The following SIPA1L3 variants were observed in gnomAD, a reference collection of about 807,000 sequenced individuals.
The protein encoded by SIPA1L3 is signal-induced proliferation-associated 1-like protein 3.
In SIPA1L3, 59 loss-of-function variants were observed where a neutral mutation model predicts 150.1. The observed-to-expected ratio is 0.39, with a 90% CI of 0.32 to 0.49. The LOEUF (loss-of-function observed/expected upper bound fraction) is 0.49, where lower values mean the gene tolerates loss of function less well. Ranked by LOEUF, SIPA1L3 falls within the 20% of genes least tolerant of loss-of-function variation. SIPA1L3 has a pLI of 0.86. For synonymous variants in SIPA1L3, 1,070 were observed against 1,077.6 expected (o/e 0.99, Z 0.14); for missense variants, 2,211 against 2,489.5 (o/e 0.89, Z 2.38).
At position 38,055,557 on chromosome 19, in the gene SIPA1L3, G is replaced by C. The variant is rs145334015; in HGVS notation, c.-310-25699G>C. Among the ~76,000 whole-genome samples, 77 of 152,322 alleles carry C rather than the reference G, an allele frequency of 5.1e-4. 1 individual carries two copies. The East Asian group carries it at 0.015, about 29-fold the overall frequency. On this transcript the variant is annotated intron_variant, in intron 2 of 21. Transcript: ENST00000222345. ...TCAGATACATCCTTAGTTTAGCTGC[G>C]TGGGAATCCAGGAAAGTAAGCTTTT...
chr19:38,175,747 A>G (rs1972422028), intron 15 of SIPA1L3, among the ~76,000 whole-genome samples: 1 of 152,154 alleles, frequency 6.6e-6, no homozygotes, highest in Non-Finnish European at 1.5e-5. Context: ...GAGGAAACTG[A>G]GGCTCACTGA....
At chr19:38,095,149 A>G (rs1229156088) in intron 4 of SIPA1L3, among the ~76,000 whole-genome samples, 2 of 152,248 alleles carry the variant, frequency 1.3e-5, no homozygotes, top group Non-Finnish European at 2.9e-5. Flanking sequence ...GTACATAAAC[A>G]TTTAACACAC....
intron 12 of SIPA1L3, among the ~76,000 whole-genome samples, chr19:38,148,623 G>A (rs1002945921): frequency 2.0e-5 from 3 of 152,174 alleles, no homozygotes. Flanking sequence ...TGATGTGGGA[G>A]ATTGACAGAG....
chr19:38,028,568 T>C (rs1472539190), intron 1 of SIPA1L3, among the ~76,000 whole-genome samples: 1 of 152,196 alleles, frequency 6.6e-6, no homozygotes, highest in Non-Finnish European at 1.5e-5. Flanking sequence ...TGACTTTGTA[T>C]TGTGTATTTG....
intron 1 of SIPA1L3, among the ~76,000 whole-genome samples, chr19:37,962,452 C>T (rs1221001850): frequency 3.7e-5 from 5 of 135,988 alleles, no homozygotes; most frequent in Non-Finnish European, 7.6e-5. Context: ...CCATGAGCCA[C>T]TGCAGCCGGC....
intron 1 of SIPA1L3, among the ~76,000 whole-genome samples, chr19:37,990,540 A>G (rs1255252353): frequency 1.3e-5 from 2 of 152,212 alleles, no homozygotes; most frequent in Non-Finnish European, 2.9e-5. Context: ...AGATACAGCA[A>G]TAGCCACATA....
At chr19:38,095,167 GATA>G (rs1970349453) in intron 4 of SIPA1L3, among the ~76,000 whole-genome samples, 1 of 152,204 alleles carries the variant, frequency 6.6e-6, no homozygotes, top group Non-Finnish European at 1.5e-5. Flanking sequence ...CACATCTACA[GATA>G]ATAATGGTTA....
At chr19:37,958,885 GCT>G (rs2046833735) in intron 1 of SIPA1L3, among the ~76,000 whole-genome samples, 1 of 152,178 alleles carries the variant, frequency 6.6e-6, no homozygotes, top group Non-Finnish European at 1.5e-5. Context: ...GATTTGAATG[GCT>G]CTTTCTCCAA....
intron 15 of SIPA1L3, among the ~76,000 whole-genome samples, chr19:38,181,380 C>T (rs1454071917): frequency 6.6e-6 from 1 of 152,118 alleles, no homozygotes; most frequent in Admixed American, 6.6e-5. Context: ...TGCCGTGTTC[C>T]CAGGTACTTA....
At chr19:38,153,870 GT>G (rs1971883894) in intron 13 of SIPA1L3, among the ~76,000 whole-genome samples, 2 of 151,980 alleles carry the variant, frequency 1.3e-5, no homozygotes, top group African/African-American at 2.4e-5. Context: ...GGAGGCAGAG[GT>G]TGCAGTGAGC....
intron 2 of SIPA1L3, among the ~76,000 whole-genome samples, chr19:38,033,011 C>A (rs796786085): frequency 6.6e-6 from 1 of 152,210 alleles, no homozygotes; most frequent in South Asian, 2.1e-4. Flanking sequence ...TGAGGAGGCC[C>A]TGAATAGAGG....
intron 19 of SIPA1L3, among the ~76,000 whole-genome samples, chr19:38,199,594 AC>A: frequency 6.6e-6 from 1 of 151,608 alleles, no homozygotes; most frequent in Middle Eastern, 3.4e-3. Flanking sequence ...TAGATGAAAC[AC>A]AGAAGGTTAC....
At chr19:37,961,294 A>C (rs1054759458) in intron 1 of SIPA1L3, among the ~76,000 whole-genome samples, 1 of 151,942 alleles carries the variant, frequency 6.6e-6, no homozygotes, top group African/African-American at 2.4e-5. Context: ...TGCTGGGATT[A>C]CAGGCATGAG....
intron 1 of SIPA1L3, among the ~76,000 whole-genome samples, chr19:37,923,640 C>T (rs548453573): frequency 3.3e-5 from 5 of 152,214 alleles, no homozygotes; most frequent in South Asian, 2.1e-4. Context: ...TTAACAGACA[C>T]GGTACATTTA....
chr19:37,929,847 C>T (rs567555774), intron 1 of SIPA1L3, among the ~76,000 whole-genome samples: 1 of 151,884 alleles, frequency 6.6e-6, no homozygotes, highest in Non-Finnish European at 1.5e-5. Flanking sequence ...ATGTCTGTAT[C>T]TATGTATGTA....
chr19:38,057,470 G>A (rs1029497915), intron 2 of SIPA1L3, among the ~76,000 whole-genome samples: 2 of 151,814 alleles, frequency 1.3e-5, no homozygotes, highest in Non-Finnish European at 2.9e-5. Flanking sequence ...CATCTGCATA[G>A]CCTATAGATG....
chr19:38,058,391 C>T (rs1969372003), intron 2 of SIPA1L3, among the ~76,000 whole-genome samples: 1 of 152,130 alleles, frequency 6.6e-6, no homozygotes, highest in Non-Finnish European at 1.5e-5. Context: ...CACACCTCTC[C>T]CCACTGGGAA....
chr19:38,029,856 C>CTT (rs35091359), intron 2 of SIPA1L3, among the ~76,000 whole-genome samples: 106 of 120,866 alleles, frequency 8.8e-4, no homozygotes, highest in Middle Eastern at 0.012. Context: ...ACCTCGGCCT[C>CTT]TTTTTTTTTT....
intron 1 of SIPA1L3, among the ~76,000 whole-genome samples, chr19:37,974,384 G>A (rs528881489): frequency 2.6e-5 from 4 of 152,086 alleles, no homozygotes; most frequent in Admixed American, 6.6e-5. Flanking sequence ...ACAGTGGTAC[G>A]TGCCTATAGT....
Sources: gnomAD v4.1 joint callset for allele counts (sites outside exome capture counted in the v4.1 genomes callset) on GRCh38, gnomAD v4.1.1 for gene constraint, MANE v1.5 for transcripts, NCBI Gene and HGNC (gene_info 2026-07-23, HGNC 2026-07-21) for gene names.